PTPRC: variants seen among roughly 807,000 people sequenced by gnomAD.
PTPRC encodes the protein protein tyrosine phosphatase receptor type C.
PTPRC carries 44 observed loss-of-function variants against 155.9 expected under a neutral mutation model. That is an observed-to-expected ratio of 0.28 (90% CI 0.22 to 0.36). The LOEUF (loss-of-function observed/expected upper bound fraction) is 0.36, where lower values mean the gene tolerates loss of function less well. PTPRC is among the 10% of genes least tolerant of loss of function. The pLI is 1.00. For synonymous variants in PTPRC, 525 were observed against 533.1 expected, an observed-to-expected ratio of 0.98 and a Z score of 0.21; for missense variants, 1,401 against 1,564.6, an observed-to-expected ratio of 0.90 and a Z score of 1.76.
chr1:198,742,248 A>C lies in PTPRC; in HGVS notation c.2578A>C (p.Thr860Pro). 1 of 1,612,290 alleles carries C rather than the reference A, an allele frequency of 6.2e-7. No individual in the cohort carries two copies. Among genetic ancestry groups the C allele is most frequent in the Non-Finnish European group, 8.5e-7 (1 of 1,178,894 alleles). ...VVHCSAGVGR[T>P]GTYIGIDAML... Reference sequence around the variant, plus strand: ...GTTTGCCAGTGCTGGTGTTGGGCGCACAGGAACCTATATCGGAATTGATGC... The same window carrying C: ...GTTTGCCAGTGCTGGTGTTGGGCGCCCAGGAACCTATATCGGAATTGATGC... The change falls in exon 25 of 33, where the codon ACA (threonine) becomes CCA (proline). Residue 860 changes from threonine to proline, a missense_variant. By Grantham distance (38) the Thr-to-Pro change is conservative. This residue lies in a region of PTPRC where 134 missense variants were observed against 204.7 expected (regional missense o/e 0.65). Coordinates refer to ENST00000442510, the MANE Select transcript of PTPRC (RefSeq NM_002838.5).
intron 32 of PTPRC, among the ~76,000 whole-genome samples, chr1:198,755,591 T>C (rs999814124): frequency 6.0e-4 from 91 of 152,002 alleles, no homozygotes; most frequent in African/African-American, 2.1e-3. Flanking sequence ...TCTTAAATAA[T>C]GTGTAGGCAT....
Position 198,728,309 on chromosome 1 carries a change from G to A in PTPRC, c.1721-31G>A, listed in dbSNP as rs183156208. On this transcript the variant is annotated intron_variant, in intron 15 of 32. Transcript: ENST00000442510. ...CAGTCTAGCAAGTTATTTGACAATC[G>A]TTCTCTGAATGTATTATTTTTCATT... 3,490 of 1,562,282 alleles carry A rather than the reference G, an allele frequency of 2.2e-3. 10 individuals carry two copies. The highest frequency in any genetic ancestry group is 7.2e-3 in the Admixed American group (429 of 59,772).
intron 11 of PTPRC, among the ~76,000 whole-genome samples, chr1:198,711,435 G>GA (rs1653305101): frequency 6.6e-6 from 1 of 151,660 alleles, no homozygotes; most frequent in African/African-American, 2.4e-5. Context: ...TATCTCTGTA[G>GA]AAAAAAAATG....
rs767024335 is a variant in PTPRC, at chr1:198,708,126, T to C, written c.905-7T>C. 6 of 1,599,298 alleles carry C rather than the reference T, an allele frequency of 3.8e-6. No individual in the cohort carries two copies. In the South Asian group the frequency reaches 6.6e-5, roughly 18 times the overall value. ...TAATCAAGTTTATTTCTGTATCTTC[T>C]TGTCAGGGGTTGAAAAGTTTCAGTT... is the stretch of plus-strand genomic sequence containing the variant. On this transcript the variant is annotated splice_polypyrimidine_tract_variant and splice_region_variant and intron_variant, in intron 9 of 32. Coordinates refer to ENST00000442510, the MANE Select transcript of PTPRC (RefSeq NM_002838.5).
chr1:198,706,639 G>A, intron 8 of PTPRC, 95 bp from the exon 9 acceptor site: 3 of 1,344,754 alleles, frequency 2.2e-6, no homozygotes, highest in Non-Finnish European at 3.1e-6. Flanking sequence ...GTTTTTTGGG[G>A]ATATTTGGTT....
At chr1:198,705,767 C>A (rs1410971814) in intron 8 of PTPRC, among the ~76,000 whole-genome samples, 6 of 152,106 alleles carry the variant, frequency 3.9e-5, no homozygotes, top group African/African-American at 1.2e-4. Context: ...GCCTCTGTGG[C>A]CACTCCTGCT....
Position 198,713,495 on chromosome 1 carries a change from A to G in PTPRC, c.1291+423A>G, listed in dbSNP as rs1653415013. 4.6e-5 allele frequency among the ~76,000 whole-genome samples: 7 copies of G among 152,172 alleles called. No individual in the cohort carries two copies. The South Asian group carries it at 1.4e-3, about 31-fold the overall frequency. ...AATACAGACAAAATGTTGGGTGAATAAAAATGAACATGGGCCCATGTAGCC... is the reference window on the plus strand; with the variant it reads ...AATACAGACAAAATGTTGGGTGAATGAAAATGAACATGGGCCCATGTAGCC... On this transcript the variant is annotated intron_variant, in intron 12 of 32. Coordinates refer to ENST00000442510, the MANE Select transcript of PTPRC (RefSeq NM_002838.5).
intron 2 of PTPRC, among the ~76,000 whole-genome samples, chr1:198,673,815 A>AT (rs1415868470): frequency 6.6e-6 from 1 of 151,968 alleles, no homozygotes; most frequent in African/African-American, 2.4e-5. Context: ...TTGGTTTCTG[A>AT]TTTTTTTTCT....
rs182596106 is a variant in PTPRC at position 198,735,702 on chromosome 1, G to A, written c.2403+450G>A. 2.3e-3 allele frequency among the ~76,000 whole-genome samples: 353 copies of A among 151,722 alleles called. 2 individuals are homozygous for A. The highest frequency in any genetic ancestry group is 7.9e-3 in the African/African-American group (329 of 41,514). ...CAGCAGAGATAGAATGTTTAGTTCA[G>A]AAAATAAGGAGGTCATTGTGGCCTT... is the stretch of plus-strand genomic sequence containing the variant. On this transcript the variant is annotated intron_variant, in intron 23 of 32. Coordinates refer to ENST00000442510, the MANE Select transcript of PTPRC (RefSeq NM_002838.5).
At chr1:198,719,338 T>C (rs931070838) in intron 14 of PTPRC, among the ~76,000 whole-genome samples, 5 of 152,156 alleles carry the variant, frequency 3.3e-5, no homozygotes, top group South Asian at 2.1e-4. Context: ...TTGCCTCTTT[T>C]ATCCAGTTTT....
intron 2 of PTPRC, among the ~76,000 whole-genome samples, chr1:198,687,091 A>G (rs1192925143): frequency 6.6e-6 from 1 of 152,164 alleles, no homozygotes; most frequent in African/African-American, 2.4e-5. Flanking sequence ...CTACAGCCTC[A>G]ACACACACTC....
chr1:198,723,756 C>T (rs1483254237), intron 15 of PTPRC, among the ~76,000 whole-genome samples: 1 of 152,168 alleles, frequency 6.6e-6, no homozygotes, highest in African/African-American at 2.4e-5. Flanking sequence ...ATCCTTGCAG[C>T]GGGAATCCTT....
chr1:198,647,159 A>G (rs1662984100), intron 2 of PTPRC, among the ~76,000 whole-genome samples: 4 of 151,872 alleles, frequency 2.6e-5, no homozygotes, highest in African/African-American at 9.7e-5. Context: ...TGTCCTCTAG[A>G]CAGCCCCTAT....
At chr1:198,755,118 TC>T (rs1393106673) in intron 32 of PTPRC, among the ~76,000 whole-genome samples, 1 of 152,068 alleles carries the variant, frequency 6.6e-6, no homozygotes, top group Non-Finnish European at 1.5e-5. Context: ...AATAAATAAG[TC>T]ATAAAGCCTG....
chr1:198,639,374 A>AT (rs1259811448), intron 2 of PTPRC, 33 bp downstream of exon 2: 2 of 1,505,028 alleles, frequency 1.3e-6, no homozygotes, highest in East Asian at 2.4e-5. Flanking sequence ...TTTTTAAATT[A>AT]TTTTTTCTCT....
intron 2 of PTPRC, among the ~76,000 whole-genome samples, chr1:198,671,737 T>C (rs184786113): frequency 8.5e-5 from 13 of 152,348 alleles, no homozygotes; most frequent in African/African-American, 2.6e-4. Context: ...ATTTCCTGTA[T>C]TGGTGAATTA....
At chr1:198,755,535 T>G (rs1571899424) in intron 32 of PTPRC, among the ~76,000 whole-genome samples, 1 of 152,020 alleles carries the variant, frequency 6.6e-6, no homozygotes, top group Non-Finnish European at 1.5e-5. Flanking sequence ...AATTTAAACT[T>G]TAGGAATCAA....
intron 2 of PTPRC, among the ~76,000 whole-genome samples, chr1:198,648,710 CAA>C (rs1418440588): frequency 6.6e-6 from 1 of 151,650 alleles, no homozygotes. Context: ...TTATAAAAAA[CAA>C]AAAGACATCT....
At position 198,732,574 on chromosome 1, in the gene PTPRC, T is replaced by C. The variant is rs1363863716; in HGVS notation, c.2142+18T>C. On this transcript the variant is annotated intron_variant, in intron 20 of 32. Coordinates refer to ENST00000442510, the MANE Select transcript of PTPRC (RefSeq NM_002838.5). ...ATATTGATGTGAGTAAAAATTTGCA[T>C]TTTTCTTATACCTACATATTTCATT... is the stretch of plus-strand genomic sequence containing the variant. The C allele has an allele frequency of 6.4e-7, 1 of 1,566,764 alleles. No individual in the cohort carries two copies. The highest frequency in any genetic ancestry group is 2.3e-5 in the East Asian group (1 of 44,274).
Sources: allele counts gnomAD v4.1 joint callset (sites outside exome capture counted in the v4.1 genomes callset), GRCh38; gene constraint gnomAD v4.1.1; regional missense constraint gnomAD v4.1.1; transcripts MANE v1.5; gene names NCBI Gene and HGNC (gene_info 2026-07-23, HGNC 2026-07-21).